The following KIFBP variants were observed in gnomAD, a reference collection of about 807,000 sequenced individuals.
KIFBP encodes the protein kinesin family binding protein, also known as KIF-binding protein.
KIFBP carries 46 observed loss-of-function variants against 58.9 expected under a neutral mutation model. The ratio of observed to expected loss-of-function variants is 0.78; its 90% confidence interval spans 0.62 to 1.00. The LOEUF (loss-of-function observed/expected upper bound fraction) is 1.00. KIFBP is among the 50% of genes least tolerant of loss of function. The pLI, the probability that KIFBP is intolerant of heterozygous loss-of-function variation, is 0.00. For synonymous variants in KIFBP, 241 were observed against 283.4 expected, an observed-to-expected ratio of 0.85 and a Z score of 1.50; for missense variants, 651 against 752.9, an observed-to-expected ratio of 0.86 and a Z score of 1.58.
intron 1 of KIFBP, 21 bp from the exon 2 acceptor site, chr10:69,000,401 TTC>T (rs778048978): frequency 6.8e-7 from 1 of 1,475,460 alleles, no homozygotes; most frequent in African/African-American, 1.4e-5. Flanking sequence ...CATTGTTTGT[TTC>T]TCTTTTTCTT....
At chr10:68,991,453 AG>A (rs1564633774) in intron 1 of KIFBP, 1 of 392,902 alleles carries the variant, frequency 2.5e-6, no homozygotes, top group Non-Finnish European at 5.2e-6. Context: ...TCCAGAAACC[AG>A]AGCAAGTTAT....
At chr10:69,010,749 G>C (rs888367249) in intron 5 of KIFBP, 151 bp from the exon 6 acceptor site, 1 of 653,330 alleles carries the variant, frequency 1.5e-6, no homozygotes, top group African/African-American at 1.8e-5. Flanking sequence ...GATTTGGGGG[G>C]GGATCTTTCT....
At chr10:69,011,395 CTT>C (rs10700812) in intron 6 of KIFBP, 204 of 129,886 alleles carry the variant, frequency 1.6e-3, no homozygotes, top group South Asian at 3.6e-3. Context: ...ATATCATATT[CTT>C]TTTTTTTTTT....
chr10:69,015,891 T>A lies in KIFBP; in HGVS notation c.1341T>A (p.His447Gln). The change falls in exon 7 of 7, where the codon CAT becomes CAA. Residue 447 changes from histidine to glutamine, a missense_variant. By Grantham distance (24) the His-to-Gln change is conservative. Transcript: ENST00000361983. The stretch of plus-strand genomic sequence containing the variant: ...ACATGGAGAGACGGTGCAAGATGCA[T>A]AAACGCAGAATAGCCATGCTAGAGC... Reference protein sequence around the residue: ...ETDMERRCKMHKRRIAMLEPL... With the variant: ...ETDMERRCKMQKRRIAMLEPL... 6.2e-7 allele frequency: 1 copy of A among 1,614,128 alleles called. No individual in the cohort carries two copies. The highest frequency in any genetic ancestry group is 8.5e-7 in the Non-Finnish European group (1 of 1,180,018).
At chr10:69,010,696 A>AAGGGT (rs1283956320) in intron 5 of KIFBP, among the ~76,000 whole-genome samples, 1 of 152,234 alleles carries the variant, frequency 6.6e-6, no homozygotes, top group Non-Finnish European at 1.5e-5. Flanking sequence ...GTGGTGCGAG[A>AAGGGT]AAGAAATATG....
Position 69,008,943 on chromosome 10 carries a change from T to C in KIFBP, c.874+18T>C, listed in dbSNP as rs1288895796. On this transcript the variant is annotated intron_variant, in intron 5 of 6. Transcript: ENST00000361983. ...AGAAGACAGTAAGTTTACCTTTGCA[T>C]GTTTTACATAGCTTTTAAAAAAAGT... The C allele has an allele frequency of 6.3e-7, 1 of 1,580,522 alleles. No individual in the cohort carries two copies. The highest frequency in any genetic ancestry group is 8.7e-7 in the Non-Finnish European group (1 of 1,149,762).
At chr10:68,993,239 A>T (rs1304227896) in intron 1 of KIFBP, among the ~76,000 whole-genome samples, 3 of 151,802 alleles carry the variant, frequency 2.0e-5, no homozygotes, top group Admixed American at 2.0e-4. Flanking sequence ...GCTCCTTCCC[A>T]CACTTACTGA....
intron 1 of KIFBP, chr10:68,989,549 G>C (rs1035159382): frequency 1.8e-6 from 1 of 543,710 alleles, no homozygotes; most frequent in East Asian, 3.2e-5. Context: ...CGATGCATTG[G>C]TGTCCGAGAC....
intron 1 of KIFBP, among the ~76,000 whole-genome samples, chr10:68,995,504 G>A (rs1249097546): frequency 6.6e-6 from 1 of 152,084 alleles, no homozygotes; most frequent in Non-Finnish European, 1.5e-5. Context: ...CCATTTGGTC[G>A]TAGCGTATTC....
chr10:69,012,759 G>A (rs942212040), intron 6 of KIFBP, among the ~76,000 whole-genome samples: 9 of 151,986 alleles, frequency 5.9e-5, no homozygotes, highest in Non-Finnish European at 1.2e-4. Flanking sequence ...CAGGCATGGT[G>A]GTGTGCACCT....
intron 4 of KIFBP, among the ~76,000 whole-genome samples, chr10:69,008,391 A>AAAAAAATATATATAT: frequency 2.8e-5 from 2 of 71,610 alleles, no homozygotes; most frequent in African/African-American, 1.6e-4. Context: ...AAAAAAAAAA[A>AAAAAAATATATATAT]ATATATATAT....
chr10:68,999,341 G>T (rs1010250122), intron 1 of KIFBP, among the ~76,000 whole-genome samples: 1 of 151,588 alleles, frequency 6.6e-6, no homozygotes, highest in African/African-American at 2.4e-5. Flanking sequence ...CAAGTGATCT[G>T]CCTGCCTCGG....
At chr10:69,009,553 A>C (rs1444007484) in intron 5 of KIFBP, among the ~76,000 whole-genome samples, 2 of 152,148 alleles carry the variant, frequency 1.3e-5, no homozygotes, top group African/African-American at 4.8e-5. Context: ...TTCATCACTT[A>C]ATATTAAGAA....
chr10:68,991,569 A>G, intron 1 of KIFBP: 2 of 425,444 alleles, frequency 4.7e-6, no homozygotes, highest in South Asian at 3.6e-5. Flanking sequence ...CAAGTGCTGG[A>G]GGTCATCACG....
chr10:68,991,680 G>C, intron 1 of KIFBP: 1 of 184,624 alleles, frequency 5.4e-6, no homozygotes, highest in Non-Finnish European at 1.2e-5. Flanking sequence ...GAGCAAAAGG[G>C]TAAAGGCTGT....
intron 6 of KIFBP, among the ~76,000 whole-genome samples, chr10:69,012,530 G>A (rs1193669747): frequency 6.6e-6 from 1 of 150,462 alleles, no homozygotes; most frequent in African/African-American, 2.4e-5. Context: ...TTTTTTACAT[G>A]GGACTCTGCT....
intron 1 of KIFBP, among the ~76,000 whole-genome samples, chr10:68,999,033 G>A (rs527835166): frequency 3.3e-5 from 5 of 151,400 alleles, no homozygotes; most frequent in African/African-American, 7.3e-5. Context: ...TGCCTACTTC[G>A]GCCTCCCAAA....
rs1331456618 is a variant in KIFBP at position 69,016,800 on chromosome 10, C to G, written c.*384C>G. The G allele has an allele frequency of 6.0e-6, 1 of 166,754 alleles. No individual in the cohort carries two copies. Among genetic ancestry groups the G allele is most frequent in the Non-Finnish European group, 1.3e-5 (1 of 77,282 alleles). 10.3% of individuals were successfully genotyped at this position (166,754 alleles called of 1,614,324 possible). ...TAATATATTAAGATTGAAAAAGTAACTTCTATAGTTACTCCTTCTAAAATA... is the reference window on the plus strand; with the variant it reads ...TAATATATTAAGATTGAAAAAGTAAGTTCTATAGTTACTCCTTCTAAAATA... On this transcript the variant is annotated 3_prime_UTR_variant, in exon 7 of 7. Transcript: ENST00000361983.
At chr10:69,008,975 T>G (rs774118267) in intron 5 of KIFBP, 50 bp downstream of exon 5, 1 of 1,450,610 alleles carries the variant, frequency 6.9e-7, no homozygotes, top group East Asian at 2.3e-5. Flanking sequence ...AAGTTTTATT[T>G]TGAAATTATT....
Sources: allele counts gnomAD v4.1 joint callset (sites outside exome capture counted in the v4.1 genomes callset), GRCh38; gene constraint gnomAD v4.1.1; transcripts MANE v1.5; gene names NCBI Gene and HGNC (gene_info 2026-07-23, HGNC 2026-07-21).